The following PNP variants were observed in gnomAD, a reference collection of about 807,000 sequenced individuals.
PNP encodes purine nucleoside phosphorylase.
Under a neutral mutation model 26.8 loss-of-function variants are expected in PNP, and 18 were observed. The observed-to-expected ratio is 0.67, with a 90% CI of 0.46 to 1.00. PNP has a LOEUF of 1.00. Among genes scored for constraint, PNP ranks in the 50% least tolerant of loss-of-function variants. The probability of loss-of-function intolerance (pLI) is 0.00; values close to 1 mark genes in which losing one functional copy is unlikely to be tolerated. For synonymous variants in PNP, 116 were observed against 124.8 expected (o/e 0.93, Z 0.47); for missense variants, 320 against 362.9 (o/e 0.88, Z 0.96).
chr14:20,475,768 G>A (rs1438726564), intron 5 of PNP, among the ~76,000 whole-genome samples: 2 of 152,104 alleles, frequency 1.3e-5, no homozygotes, highest in Non-Finnish European at 2.9e-5. Flanking sequence ...TTACAGGCGC[G>A]ACGCACTGTG....
intron 1 of PNP, 185 bp downstream of exon 1, chr14:20,469,720 A>AG: frequency 1.3e-6 from 1 of 797,844 alleles, no homozygotes; most frequent in Non-Finnish European, 2.1e-6. Context: ...CAGCGCGGGC[A>AG]GGGACGCACG....
At chr14:20,476,242 G>A in intron 5 of PNP, 142 bp from the exon 6 acceptor site, 1 of 742,278 alleles carries the variant, frequency 1.3e-6, no homozygotes, top group Non-Finnish European at 2.4e-6. Flanking sequence ...AATGTACTGG[G>A]ATTACAGGTG....
At position 20,469,520 on chromosome 14, in the gene PNP, A is replaced by G. The variant is rs1273132203; in HGVS notation, c.-5A>G. On this transcript the variant is annotated 5_prime_UTR_variant, in exon 1 of 6. Transcript: ENST00000361505. ...CAGGCTCATCGAGAAGGCGTCTGCG[A>G]GACCATGGAGAACGGGTGAGGAGGG... The G allele has an allele frequency of 1.9e-6, 3 of 1,553,054 alleles. No homozygotes were observed. The South Asian group carries it at 3.6e-5, about 18-fold the overall frequency.
intron 3 of PNP, 80 bp downstream of exon 3, chr14:20,474,655 T>C: frequency 6.6e-7 from 1 of 1,518,854 alleles, no homozygotes; most frequent in Non-Finnish European, 9.1e-7. Flanking sequence ...CCTAGCTATC[T>C]GGGCTAGGTG....
chr14:20,469,452 G>T lies in PNP; in HGVS notation c.-73G>T. On this transcript the variant is annotated 5_prime_UTR_variant, in exon 1 of 6. Coordinates refer to ENST00000361505, the MANE Select transcript of PNP (RefSeq NM_000270.4). Reference sequence around the variant, plus strand: ...CAGCCTTGCTCAGTTCAGCATAGCGGAGCGGATCCGATCGGATCGGAGCGG... The same window carrying T: ...CAGCCTTGCTCAGTTCAGCATAGCGTAGCGGATCCGATCGGATCGGAGCGG... 1.3e-6 allele frequency: 2 copies of T among 1,543,390 alleles called. No homozygotes were observed. The highest frequency in any genetic ancestry group is 1.8e-6 in the Non-Finnish European group (2 of 1,141,096).
At chr14:20,472,657 C>A in intron 2 of PNP, 180 bp downstream of exon 2, 1 of 698,542 alleles carries the variant, frequency 1.4e-6, no homozygotes, top group Non-Finnish European at 2.6e-6. Context: ...CTCTAGCAGA[C>A]ATCCCATAAG....
chr14:20,472,468 C>T lies in PNP; in HGVS notation c.172C>T (p.Arg58Ter), dbSNP rs104894460. 111 of 1,613,688 alleles carry T rather than the reference C, an allele frequency of 6.9e-5. No homozygotes were observed. Among genetic ancestry groups the T allele is most frequent in the Non-Finnish European group, 8.8e-5 (104 of 1,179,738 alleles). Residue 58 changes from arginine to a stop codon, truncating the protein, a stop_gained, in exon 2 of 6, where the codon CGA becomes TGA. Coordinates refer to ENST00000361505, the MANE Select transcript of PNP (RefSeq NM_000270.4). LOFTEE classifies it high-confidence loss of function. ...FDYGEIPNFP[R>*]STVPGHAGRL... ...CTACGGTGAAATCCCCAACTTTCCC[C>T]GAAGTACAGGTACTGGCAAGGGAAA...
chr14:20,474,470 A>G lies in PNP; in HGVS notation c.182-2A>G, dbSNP rs1882052778. On this transcript the variant is annotated splice_acceptor_variant, in intron 2 of 5. Transcript: ENST00000361505. LOFTEE classifies it high-confidence loss of function. The stretch of plus-strand genomic sequence containing the variant: ...TCATTTCTCTTTCTGTTTTGTATAC[A>G]GTGCCAGGTCATGCTGGCCGACTGG... 1 of 1,613,168 alleles carries G rather than the reference A, an allele frequency of 6.2e-7. No homozygotes were observed. The highest frequency in any genetic ancestry group is 8.5e-7 in the Non-Finnish European group (1 of 1,179,088).
In PNP at chr14:20,469,806, C is replaced by CA. The variant is rs1004699507; in HGVS notation, c.11+272dup. ...TGCGGTCTAAGCTACTCCGTAAAAG[C>CA]AGCCGTTGTGTGTCTCCGTGTGTGT... On this transcript the variant is annotated intron_variant, in intron 1 of 5. Coordinates refer to ENST00000361505, the MANE Select transcript of PNP (RefSeq NM_000270.4). The CA allele has an allele frequency of 4.6e-5, 28 of 603,634 alleles. No individual in the cohort carries two copies. In the African/African-American group the frequency reaches 4.8e-4, roughly 10 times the overall value. The allele number at this position is 603,634 out of a possible 1,614,324, so 37.4% of individuals were successfully genotyped here.
At chr14:20,473,384 C>G (rs1233686961) in intron 2 of PNP, 1 of 152,224 alleles carries the variant, frequency 6.6e-6, no homozygotes, top group Non-Finnish European at 1.5e-5. Flanking sequence ...GAAAGAGACA[C>G]TTGCATGCGT....
rs1882121521 is a variant in PNP at position 20,476,650 on chromosome 14, C to A, written c.*49C>A. On this transcript the variant is annotated 3_prime_UTR_variant, in exon 6 of 6. Transcript: ENST00000361505. ...CTCCCACACAAGACCCAAGTAGCTG[C>A]TACCTTCTTTGGCCCCTTGCTGGAG... 1 of 1,481,742 alleles carries A rather than the reference C, an allele frequency of 6.7e-7. No homozygotes were observed. Among genetic ancestry groups the A allele is most frequent in the Non-Finnish European group, 9.4e-7 (1 of 1,060,364 alleles). 91.8% of individuals were successfully genotyped at this position (1,481,742 alleles called of 1,614,324 possible). A position where few individuals can be genotyped will look rare whatever the true frequency, so the allele number is the denominator to read the frequency against.
intron 1 of PNP, 33 bp from the exon 2 acceptor site, chr14:20,472,275 G>A (rs1379497527): frequency 3.1e-6 from 5 of 1,593,652 alleles, no homozygotes; most frequent in Admixed American, 1.7e-5. Context: ...TGGAATGGGA[G>A]CAGAATTCAC....
intron 2 of PNP, 187 bp downstream of exon 2, chr14:20,472,664 T>C: frequency 4.4e-6 from 3 of 688,068 alleles, no homozygotes; most frequent in Non-Finnish European, 7.9e-6. Flanking sequence ...AGACATCCCA[T>C]AAGAGACAGG....
At chr14:20,474,352 CTT>C (rs372029221) in intron 2 of PNP, 118 bp from the exon 3 acceptor site, 2 of 842,354 alleles carry the variant, frequency 2.4e-6, no homozygotes, top group Middle Eastern at 2.4e-4. Flanking sequence ...AATAATGAGT[CTT>C]TTACTTAATT....
chr14:20,474,646 C>G (rs1882059146), intron 3 of PNP, 71 bp downstream of exon 3: 4 of 1,539,364 alleles, frequency 2.6e-6, no homozygotes, highest in Non-Finnish European at 3.6e-6. Flanking sequence ...CTTTCACTAC[C>G]TAGCTATCTG....
Position 20,476,534 on chromosome 14 carries a change from C to T in PNP, c.803C>T (p.Ala268Val). The T allele has an allele frequency of 6.2e-7, 1 of 1,614,200 alleles. No homozygotes were observed. The highest frequency in any genetic ancestry group is 8.5e-7 in the Non-Finnish European group (1 of 1,180,044). Residue 268 changes from alanine (A) to valine (V), a missense_variant, in exon 6 of 6, where the codon GCA becomes GTA. Transcript: ENST00000361505. ...GTCTTAGCAGCTGGCAAACAAGCTGCACAGAAATTGGAACAGTTTGTCTCC... is the reference window on the plus strand; with the variant it reads ...GTCTTAGCAGCTGGCAAACAAGCTGTACAGAAATTGGAACAGTTTGTCTCC... The part of the protein sequence containing the change: ...EEVLAAGKQA[A>V]QKLEQFVSIL...
chr14:20,469,424 C>T lies in PNP; in HGVS notation c.-101C>T, dbSNP rs2139331698. Reference sequence around the variant, plus strand: ...GTGAGCCAACTGTGCGAACCAGACCCGGCAGCCTTGCTCAGTTCAGCATAG... The same window carrying T: ...GTGAGCCAACTGTGCGAACCAGACCTGGCAGCCTTGCTCAGTTCAGCATAG... On this transcript the variant is annotated 5_prime_UTR_variant, in exon 1 of 6. Coordinates refer to ENST00000361505, the MANE Select transcript of PNP (RefSeq NM_000270.4). 2 of 1,483,954 alleles carry T rather than the reference C, an allele frequency of 1.3e-6. No homozygotes were observed. Among genetic ancestry groups the T allele is most frequent in the East Asian group, 2.5e-5 (1 of 40,626 alleles). The allele number at this position is 1,483,954 out of a possible 1,614,324, so 91.9% of individuals were successfully genotyped here.
intron 2 of PNP, chr14:20,473,854 G>C (rs17880405): frequency 1.3e-5 from 2 of 152,940 alleles, no homozygotes; most frequent in Non-Finnish European, 2.9e-5. Flanking sequence ...GTGAGACACC[G>C]CACCTGGCCT....
intron 1 of PNP, among the ~76,000 whole-genome samples, chr14:20,471,407 G>T (rs1248630881): frequency 6.6e-6 from 1 of 150,726 alleles, no homozygotes; most frequent in African/African-American, 2.4e-5. Context: ...TTTTGTGGGG[G>T]TTTTGTGTGT....
Sources: allele counts gnomAD v4.1 joint callset (sites outside exome capture counted in the v4.1 genomes callset), GRCh38; gene constraint gnomAD v4.1.1; transcripts MANE v1.5; gene names NCBI Gene and HGNC (gene_info 2026-07-23, HGNC 2026-07-21).